TMEM108: variants seen among roughly 807,000 people sequenced by gnomAD.
The protein encoded by TMEM108 is cancer/testis antigen 124.
In TMEM108, 12 loss-of-function variants were observed where a neutral mutation model predicts 35.1. That is an observed-to-expected ratio of 0.34 (90% CI 0.22 to 0.55). TMEM108 has a LOEUF of 0.55. Among genes scored for constraint, TMEM108 ranks in the 20% least tolerant of loss-of-function variants. TMEM108 has a pLI of 0.89. For synonymous variants in TMEM108, 287 were observed against 308.6 expected (o/e 0.93, Z 0.73); for missense variants, 680 against 753.3 (o/e 0.90, Z 1.14).
At chr3:133,175,872 CT>C (rs1216690109) in intron 2 of TMEM108, among the ~76,000 whole-genome samples, 1 of 152,160 alleles carries the variant, frequency 6.6e-6, no homozygotes, top group Non-Finnish European at 1.5e-5. Flanking sequence ...AAGACACAGA[CT>C]GGCAAATTGG....
At chr3:133,148,467 TAAAA>T (rs201344391) in intron 2 of TMEM108, among the ~76,000 whole-genome samples, 1 of 151,476 alleles carries the variant, frequency 6.6e-6, no homozygotes, top group South Asian at 2.1e-4. Flanking sequence ...TAATTAATAA[TAAAA>T]AAAAATCTTC....
chr3:133,209,742 C>A (rs1287895717), intron 2 of TMEM108, among the ~76,000 whole-genome samples: 2 of 152,132 alleles, frequency 1.3e-5, no homozygotes, highest in Non-Finnish European at 2.9e-5. Context: ...AGTCTATCTT[C>A]TCTATGAATG....
intron 2 of TMEM108, among the ~76,000 whole-genome samples, chr3:133,076,285 G>A (rs568898146): frequency 1.3e-5 from 2 of 152,256 alleles, no homozygotes; most frequent in East Asian, 3.9e-4. Flanking sequence ...CCTTCTGTGT[G>A]TCTGTTTCAC....
intron 2 of TMEM108, among the ~76,000 whole-genome samples, chr3:133,214,979 C>A (rs1945885854): frequency 6.6e-6 from 1 of 152,040 alleles, no homozygotes; most frequent in African/African-American, 2.4e-5. Flanking sequence ...CGAAACTGGT[C>A]CCTGGTGCCA....
intron 3 of TMEM108, among the ~76,000 whole-genome samples, chr3:133,270,250 T>G (rs1467843171): frequency 6.6e-6 from 1 of 152,186 alleles, no homozygotes; most frequent in Non-Finnish European, 1.5e-5. Flanking sequence ...ATCTTTACCC[T>G]CTGCCTCCCA....
At chr3:133,049,904 C>T (rs1943383243) in intron 2 of TMEM108, among the ~76,000 whole-genome samples, 1 of 152,192 alleles carries the variant, frequency 6.6e-6, no homozygotes, top group Admixed American at 6.5e-5. Flanking sequence ...ACTCAGACTT[C>T]ACCGCTGAGG....
Position 133,181,038 on chromosome 3 carries a change from A to AAAAAAAAAC in TMEM108, c.-46-48228_-46-48227insAAAAAAAAC, listed in dbSNP as rs869218859. Among the ~76,000 whole-genome samples the AAAAAAAAAC allele has an allele frequency of 4.7e-5, 6 of 126,516 alleles. No individual in the cohort carries two copies. The South Asian group carries it at 7.8e-4, about 16-fold the overall frequency. 83.0% of individuals were successfully genotyped at this position (126,516 alleles called of 152,430 possible). ...AAAAAAAAAAAAAAAAAAAAAAAAA[A>AAAAAAAAAC]CAGCACTCCCAAAGCGCTTGATTTA... On this transcript the variant is annotated intron_variant, in intron 2 of 5. Transcript: ENST00000321871.
At chr3:133,176,336 C>A (rs577230800) in intron 2 of TMEM108, among the ~76,000 whole-genome samples, 1 of 152,320 alleles carries the variant, frequency 6.6e-6, no homozygotes, top group South Asian at 2.1e-4. Flanking sequence ...TAGACATCTA[C>A]AGAACTCTCC....
chr3:133,321,104 A>G (rs1224056857), intron 3 of TMEM108, among the ~76,000 whole-genome samples: 1 of 152,192 alleles, frequency 6.6e-6, no homozygotes, highest in African/African-American at 2.4e-5. Flanking sequence ...ATAAAACAAT[A>G]ACACAAAAAA....
intron 3 of TMEM108, among the ~76,000 whole-genome samples, chr3:133,273,976 A>G (rs752902616): frequency 2.0e-5 from 3 of 152,128 alleles, no homozygotes; most frequent in Admixed American, 6.5e-5. Flanking sequence ...TTTCTTGTCT[A>G]TTTTACTAAT....
At chr3:133,141,478 C>G (rs1944639851) in intron 2 of TMEM108, among the ~76,000 whole-genome samples, 1 of 152,122 alleles carries the variant, frequency 6.6e-6, no homozygotes, top group Non-Finnish European at 1.5e-5. Context: ...TTAGATATAC[C>G]TGGGCAAGAG....
At chr3:133,237,500 C>A (rs1168283545) in intron 3 of TMEM108, among the ~76,000 whole-genome samples, 1 of 152,158 alleles carries the variant, frequency 6.6e-6, no homozygotes, top group Non-Finnish European at 1.5e-5. Context: ...AGCTGCTTGT[C>A]ATCTGATAAT....
At chr3:133,212,748 C>G (rs1009512717) in intron 2 of TMEM108, among the ~76,000 whole-genome samples, 1 of 151,762 alleles carries the variant, frequency 6.6e-6, no homozygotes, top group Non-Finnish European at 1.5e-5. Context: ...TGCCTGGAAT[C>G]CCAGCTATTC....
At chr3:133,113,629 G>A (rs1031391367) in intron 2 of TMEM108, among the ~76,000 whole-genome samples, 1 of 152,092 alleles carries the variant, frequency 6.6e-6, no homozygotes, top group Non-Finnish European at 1.5e-5. Context: ...AATATCCCAT[G>A]TATCAAAATG....
chr3:133,078,983 A>G (rs931310256), intron 2 of TMEM108, among the ~76,000 whole-genome samples: 14 of 152,370 alleles, frequency 9.2e-5, no homozygotes, highest in African/African-American at 2.4e-4. Context: ...ACTTTCAGCC[A>G]TTAAATTGAG....
At chr3:133,179,471 C>T (rs1945294974) in intron 2 of TMEM108, among the ~76,000 whole-genome samples, 5 of 151,924 alleles carry the variant, frequency 3.3e-5, no homozygotes, top group Admixed American at 3.3e-4. Flanking sequence ...GAATACTATG[C>T]AGCCATAAAA....
intron 2 of TMEM108, among the ~76,000 whole-genome samples, chr3:133,202,238 T>C (rs192860110): frequency 7.6e-4 from 116 of 152,340 alleles, no homozygotes; most frequent in African/African-American, 2.5e-3. Context: ...TCCCATTCTG[T>C]AGGTTGCCTG....
At chr3:133,225,817 A>G (rs560017202) in intron 2 of TMEM108, among the ~76,000 whole-genome samples, 3 of 152,240 alleles carry the variant, frequency 2.0e-5, no homozygotes, top group Non-Finnish European at 2.9e-5. Flanking sequence ...ACAGAAAAAT[A>G]TAAAACTTAA....
chr3:133,135,869 G>A (rs2107749806), intron 2 of TMEM108, among the ~76,000 whole-genome samples: 2 of 152,214 alleles, frequency 1.3e-5, no homozygotes, highest in South Asian at 4.1e-4. Context: ...TGGAGGGAGG[G>A]TGGCATTAGA....
Sources: allele counts gnomAD v4.1 joint callset (sites outside exome capture counted in the v4.1 genomes callset), GRCh38; gene constraint gnomAD v4.1.1; transcripts MANE v1.5; gene names NCBI Gene and HGNC (gene_info 2026-07-23, HGNC 2026-07-21).